The following MBOAT1 variants were observed in gnomAD, a reference collection of about 807,000 sequenced individuals.
MBOAT1 encodes membrane-bound glycerophospholipid O-acyltransferase 1.
MBOAT1 carries 67 observed loss-of-function variants against 64.4 expected under a neutral mutation model. The observed-to-expected ratio is 1.04, with a 90% CI of 0.85 to 1.27. The LOEUF (loss-of-function observed/expected upper bound fraction) is 1.27, where lower values mean the gene tolerates loss of function less well. Among genes scored for constraint, MBOAT1 ranks in the 50% most tolerant of loss-of-function variants. The pLI is 0.00. For synonymous variants in MBOAT1, 229 were observed against 218.9 expected (o/e 1.05, Z -0.41); for missense variants, 563 against 604.6 (o/e 0.93, Z 0.72).
Position 20,152,696 on chromosome 6 carries a change from G to C in MBOAT1, c.173C>G (p.Thr58Arg), listed in dbSNP as rs752033251. 6.2e-6 allele frequency: 10 copies of C among 1,612,078 alleles called. No homozygotes were observed. The Middle Eastern group carries it at 8.2e-4, about 133-fold the overall frequency. ...CGCATGCCGGACATCAGAGCTGGTT[G>C]TACCAGGACGTAAGTAGATGCGAAA... ...FWFRIYLRPG[T>R]TSSDVRHAVA... The change falls in exon 2 of 13, where the codon ACA (threonine) becomes AGA (arginine). Residue 58 changes from threonine (T) to arginine (R), a missense_variant. Transcript: ENST00000324607.
At chr6:20,150,346 C>T (rs566890106) in intron 3 of MBOAT1, among the ~76,000 whole-genome samples, 2 of 152,154 alleles carry the variant, frequency 1.3e-5, no homozygotes, top group East Asian at 3.9e-4. Flanking sequence ...AGGGTGGAGA[C>T]ATCCATCACC....
intron 11 of MBOAT1, among the ~76,000 whole-genome samples, chr6:20,111,870 A>ATATATATATATATATATATACG (rs1491359464): frequency 4.3e-5 from 5 of 117,098 alleles, no homozygotes; most frequent in African/African-American, 2.0e-4. Context: ...ATATATATAC[A>ATATATATATATATATATATACG]TATATATATG....
At chr6:20,154,851 A>G (rs754317795) in intron 1 of MBOAT1, among the ~76,000 whole-genome samples, 23 of 152,336 alleles carry the variant, frequency 1.5e-4, no homozygotes, top group Admixed American at 6.5e-4. Context: ...ACTTACATCA[A>G]TGTCTCATTT....
intron 1 of MBOAT1, among the ~76,000 whole-genome samples, chr6:20,205,768 C>A (rs1763244882): frequency 6.6e-6 from 1 of 152,278 alleles, no homozygotes; most frequent in Non-Finnish European, 1.5e-5. Flanking sequence ...GCCCCCCCAC[C>A]CACCTGCTAA....
intron 1 of MBOAT1, among the ~76,000 whole-genome samples, chr6:20,198,809 TTC>T (rs1561786087): frequency 6.6e-6 from 1 of 152,234 alleles, no homozygotes; most frequent in Non-Finnish European, 1.5e-5. Flanking sequence ...CCTCAGGATT[TTC>T]TCTGCAATTT....
rs143853446 is a variant in MBOAT1, at chr6:20,184,362, G to A, written c.99+27774C>T. ...TGGTGAGGGGGGACAGGTGGAGGAC[G>A]GGACACTAAGGTAATGTCATGTCAC... On this transcript the variant is annotated intron_variant, in intron 1 of 12. Transcript: ENST00000324607. 3.0e-3 allele frequency among the ~76,000 whole-genome samples: 450 copies of A among 152,182 alleles called. 2 individuals carry two copies. The highest frequency in any genetic ancestry group is 0.01 in the African/African-American group (435 of 41,514).
chr6:20,184,972 G>C (rs1762611323), intron 1 of MBOAT1, among the ~76,000 whole-genome samples: 1 of 151,110 alleles, frequency 6.6e-6, no homozygotes, highest in South Asian at 2.1e-4. Context: ...CTGTGTAAGG[G>C]CAGGCATAGT....
chr6:20,192,863 A>C (rs1264126450), intron 1 of MBOAT1, among the ~76,000 whole-genome samples: 2 of 152,116 alleles, frequency 1.3e-5, no homozygotes, highest in Non-Finnish European at 1.5e-5. Flanking sequence ...TCCTAGTCCT[A>C]TGCCAGTGTT....
chr6:20,181,559 T>A (rs10946367), intron 1 of MBOAT1, among the ~76,000 whole-genome samples: 61,345 of 152,196 alleles, frequency 0.4, 14,113 homozygotes, highest in Admixed American at 0.56. Context: ...TCTCTCTGAC[T>A]TCAGGGACTG....
At chr6:20,204,941 A>T (rs1442263192) in intron 1 of MBOAT1, among the ~76,000 whole-genome samples, 1 of 152,160 alleles carries the variant, frequency 6.6e-6, no homozygotes, top group African/African-American at 2.4e-5. Context: ...TCACAACTAT[A>T]ATCCCCGCAT....
At chr6:20,149,787 AT>A (rs1471964558) in intron 3 of MBOAT1, among the ~76,000 whole-genome samples, 11 of 152,250 alleles carry the variant, frequency 7.2e-5, no homozygotes. Context: ...CTAAAAGATC[AT>A]ACAGTGAAAA....
At chr6:20,122,453 T>G (rs916483434) in intron 8 of MBOAT1, among the ~76,000 whole-genome samples, 1 of 152,170 alleles carries the variant, frequency 6.6e-6, no homozygotes, top group Admixed American at 6.5e-5. Context: ...ACGTCCTACC[T>G]TTTGATTCCT....
At position 20,112,872 on chromosome 6, in the gene MBOAT1, T is replaced by G; in HGVS notation, c.1209+4A>C. On this transcript the variant is annotated splice_donor_region_variant and intron_variant, in intron 11 of 12. Coordinates refer to ENST00000324607, the MANE Select transcript of MBOAT1 (RefSeq NM_001080480.3). The stretch of plus-strand genomic sequence containing the variant: ...GAAAGACCCTAGGCCTAAAGCACAC[T>G]TACCGCTCTAGCTGCTAATGTGACA... 1 of 1,612,130 alleles carries G rather than the reference T, an allele frequency of 6.2e-7. No homozygotes were observed. The highest frequency in any genetic ancestry group is 8.5e-7 in the Non-Finnish European group (1 of 1,178,900).
intron 4 of MBOAT1, among the ~76,000 whole-genome samples, chr6:20,136,781 A>AT (rs1252001128): frequency 1.3e-5 from 2 of 152,100 alleles, no homozygotes; most frequent in Non-Finnish European, 2.9e-5. Flanking sequence ...AAATTCCAGG[A>AT]TTTTCTCTCA....
chr6:20,138,443 G>A (rs964310784), intron 4 of MBOAT1, among the ~76,000 whole-genome samples: 2 of 152,174 alleles, frequency 1.3e-5, no homozygotes, highest in African/African-American at 2.4e-5. Context: ...TCAAGACTAT[G>A]TGGCTGAAAG....
chr6:20,208,166 G>C (rs1009987646), intron 1 of MBOAT1, among the ~76,000 whole-genome samples: 6 of 152,064 alleles, frequency 3.9e-5, no homozygotes, highest in African/African-American at 1.4e-4. Flanking sequence ...CTTTGTAGTC[G>C]GCCGGGCGTG....
At chr6:20,114,040 CT>C (rs1760250852) in intron 10 of MBOAT1, among the ~76,000 whole-genome samples, 1 of 151,978 alleles carries the variant, frequency 6.6e-6, no homozygotes, top group Non-Finnish European at 1.5e-5. Flanking sequence ...ACTGGGAGTA[CT>C]CAGTGTATAG....
At chr6:20,135,734 G>C (rs1049205204) in intron 4 of MBOAT1, among the ~76,000 whole-genome samples, 3 of 152,124 alleles carry the variant, frequency 2.0e-5, no homozygotes, top group African/African-American at 7.2e-5. Flanking sequence ...GAACCAAAAG[G>C]CTCTACTTCG....
rs923213312 is a variant in MBOAT1, at chr6:20,127,526, T to C, written c.531-826A>G. Among the ~76,000 whole-genome samples the C allele has an allele frequency of 2.6e-5, 4 of 152,148 alleles. No individual in the cohort carries two copies. The East Asian group carries it at 7.7e-4, about 29-fold the overall frequency. Reference sequence around the variant, plus strand: ...TCTCCCCATCACTTACATTACCGCCTGAGCGCCACCTAATGTCAGATCAGC... The same window carrying C: ...TCTCCCCATCACTTACATTACCGCCCGAGCGCCACCTAATGTCAGATCAGC... On this transcript the variant is annotated intron_variant, in intron 6 of 12. Transcript: ENST00000324607.
Sources: gnomAD v4.1 joint callset for allele counts (sites outside exome capture counted in the v4.1 genomes callset) on GRCh38, gnomAD v4.1.1 for gene constraint, MANE v1.5 for transcripts, NCBI Gene and HGNC (gene_info 2026-07-23, HGNC 2026-07-21) for gene names.